KCNB2: variants seen among roughly 807,000 people sequenced by gnomAD.
KCNB2 encodes potassium voltage-gated channel subfamily B member 2.
Under a neutral mutation model 61.5 loss-of-function variants are expected in KCNB2, and 15 were observed. The ratio of observed to expected loss-of-function variants is 0.24; its 90% CI spans 0.16 to 0.38. The LOEUF (loss-of-function observed/expected upper bound fraction) is 0.38, where lower values mean the gene tolerates loss of function less well. KCNB2 is among the 10% of genes least tolerant of loss of function. KCNB2 has a pLI of 1.00. For synonymous variants in KCNB2, 457 were observed against 446.0 expected, an observed-to-expected ratio of 1.02 and a Z score of -0.31; for missense variants, 828 against 1,125.2, an observed-to-expected ratio of 0.74 and a Z score of 3.78.
chr8:72,699,364 A>T (rs1346944197), intron 2 of KCNB2, among the ~76,000 whole-genome samples: 1 of 151,794 alleles, frequency 6.6e-6, no homozygotes, highest in Non-Finnish European at 1.5e-5. Flanking sequence ...GCTTTTTTTC[A>T]TATGTTTGTT....
chr8:72,734,080 T>G (rs542024024), intron 2 of KCNB2, among the ~76,000 whole-genome samples: 1 of 152,344 alleles, frequency 6.6e-6, no homozygotes, highest in Non-Finnish European at 1.5e-5. Context: ...CAATCTGGAA[T>G]AGAAAACATT....
chr8:72,687,968 G>C (rs541336781), intron 2 of KCNB2, among the ~76,000 whole-genome samples: 158 of 152,258 alleles, frequency 1.0e-3, no homozygotes, highest in Middle Eastern at 6.8e-3. Flanking sequence ...GTTCAGGCCA[G>C]AGTCTGTGAG....
rs368768775 is a variant in KCNB2, at chr8:72,937,398, T to C, written c.2043T>C (p.Ser681=). The C allele has an allele frequency of 1.2e-6, 2 of 1,613,948 alleles. No homozygotes were observed. The highest frequency in any genetic ancestry group is 1.7e-6 in the Non-Finnish European group (2 of 1,180,012). Reference sequence around the variant, plus strand: ...ACATAACTGTGAACCTCGATGCCAGTGGCTCCCAGTGTGGGCTACATAGTC... The same window carrying C: ...ACATAACTGTGAACCTCGATGCCAGCGGCTCCCAGTGTGGGCTACATAGTC... ...PVDITVNLDA[S]GSQCGLHSPL... is the part of the protein sequence containing the mutation. The change falls in exon 3 of 3, where the codon AGT becomes AGC. Residue 681 remains serine, a synonymous_variant. Transcript: ENST00000523207.
At chr8:72,642,654 G>T (rs893834249) in intron 2 of KCNB2, among the ~76,000 whole-genome samples, 50 of 152,180 alleles carry the variant, frequency 3.3e-4, no homozygotes, top group African/African-American at 1.1e-3. Context: ...CACAACAGAA[G>T]AATTTTCCTA....
At chr8:72,856,484 G>A (rs1380638004) in intron 2 of KCNB2, among the ~76,000 whole-genome samples, 1 of 152,034 alleles carries the variant, frequency 6.6e-6, no homozygotes, top group Non-Finnish European at 1.5e-5. Flanking sequence ...AATCAATAGG[G>A]GCCTCATCGA....
chr8:72,901,241 T>C (rs140396398), intron 2 of KCNB2, among the ~76,000 whole-genome samples: 210 of 152,114 alleles, frequency 1.4e-3, no homozygotes, highest in Middle Eastern at 6.8e-3. Flanking sequence ...ACTCTAACAG[T>C]ACAGTGAGGG....
At chr8:72,735,712 C>G (rs1807832550) in intron 2 of KCNB2, among the ~76,000 whole-genome samples, 1 of 152,124 alleles carries the variant, frequency 6.6e-6, no homozygotes, top group Admixed American at 6.5e-5. Context: ...CTTTTGGGAG[C>G]AGTAGGGCAC....
intron 2 of KCNB2, among the ~76,000 whole-genome samples, chr8:72,631,907 A>G (rs1165644573): frequency 6.6e-6 from 1 of 151,976 alleles, no homozygotes; most frequent in Non-Finnish European, 1.5e-5. Flanking sequence ...CTTTTTCTGT[A>G]TGGTCTACAA....
intron 2 of KCNB2, among the ~76,000 whole-genome samples, chr8:72,749,753 T>C (rs1808154833): frequency 6.8e-6 from 1 of 146,740 alleles, no homozygotes; most frequent in Non-Finnish European, 1.5e-5. Flanking sequence ...TTTTTGTATA[T>C]GCCAATATAT....
At chr8:72,591,367 C>A (rs184027145) in intron 2 of KCNB2, among the ~76,000 whole-genome samples, 9 of 152,244 alleles carry the variant, frequency 5.9e-5, no homozygotes, top group Non-Finnish European at 8.8e-5. Flanking sequence ...GATTTCTTTA[C>A]AAATATGTAA....
intron 1 of KCNB2, among the ~76,000 whole-genome samples, chr8:72,541,388 T>A (rs1240246128): frequency 6.6e-6 from 1 of 152,148 alleles, no homozygotes; most frequent in Non-Finnish European, 1.5e-5. Flanking sequence ...CCCTTTATTA[T>A]ATAGATATGA....
At chr8:72,901,947 G>A (rs1806099597) in intron 2 of KCNB2, among the ~76,000 whole-genome samples, 1 of 152,148 alleles carries the variant, frequency 6.6e-6, no homozygotes, top group African/African-American at 2.4e-5. Context: ...ATAGGTTTGA[G>A]CTGATGTCTT....
At chr8:72,593,673 G>T (rs1006420909) in intron 2 of KCNB2, among the ~76,000 whole-genome samples, 2 of 152,128 alleles carry the variant, frequency 1.3e-5, no homozygotes, top group African/African-American at 4.8e-5. Flanking sequence ...AGGGAGTAAG[G>T]GCCACTTCAG....
At chr8:72,584,337 C>T (rs1585766581) in intron 2 of KCNB2, among the ~76,000 whole-genome samples, 1 of 152,158 alleles carries the variant, frequency 6.6e-6, no homozygotes, top group East Asian at 1.9e-4. Context: ...TGCCCTGGAC[C>T]CTGTTTGGCT....
chr8:72,601,287 G>A (rs1049356430), intron 2 of KCNB2, among the ~76,000 whole-genome samples: 3 of 151,988 alleles, frequency 2.0e-5, no homozygotes, highest in South Asian at 4.1e-4. Flanking sequence ...TTTTTTTCAC[G>A]AAATGATTTC....
intron 2 of KCNB2, among the ~76,000 whole-genome samples, chr8:72,894,172 A>G (rs1805949231): frequency 1.3e-5 from 2 of 152,188 alleles, no homozygotes; most frequent in Non-Finnish European, 2.9e-5. Context: ...GGAGCCAGCA[A>G]TGCAACAGTG....
chr8:72,913,976 G>A (rs573134647), intron 2 of KCNB2, among the ~76,000 whole-genome samples: 1 of 152,188 alleles, frequency 6.6e-6, no homozygotes, highest in Non-Finnish European at 1.5e-5. Context: ...ATGTGTCTTA[G>A]TACATTCAGG....
At chr8:72,671,950 G>T (rs1376840765) in intron 2 of KCNB2, among the ~76,000 whole-genome samples, 2 of 152,136 alleles carry the variant, frequency 1.3e-5, no homozygotes, top group African/African-American at 4.8e-5. Context: ...TGTGAGTTCA[G>T]CTAAGTCCAG....
intron 2 of KCNB2, among the ~76,000 whole-genome samples, chr8:72,595,477 C>T (rs1386462090): frequency 6.6e-6 from 1 of 151,950 alleles, no homozygotes; most frequent in Non-Finnish European, 1.5e-5. Context: ...AGGCATGTGC[C>T]ACCACGCCCA....
Sources: gnomAD v4.1 joint callset for allele counts (sites outside exome capture counted in the v4.1 genomes callset) on GRCh38, gnomAD v4.1.1 for gene constraint, MANE v1.5 for transcripts, NCBI Gene and HGNC (gene_info 2026-07-23, HGNC 2026-07-21) for gene names.